Variants in PIK3C2A observed in about 807,000 individuals in gnomAD.
The protein encoded by PIK3C2A is phosphatidylinositol 4-phosphate 3-kinase C2 domain-containing subunit alpha.
PIK3C2A carries 97 observed loss-of-function variants against 204.5 expected under a neutral mutation model. The observed-to-expected ratio is 0.47, with a 90% CI of 0.40 to 0.56. The LOEUF is 0.56. PIK3C2A is among the 20% of genes least tolerant of loss of function. The probability of loss-of-function intolerance (pLI) is 0.00; values close to 1 mark genes in which losing one functional copy is unlikely to be tolerated. For missense variants in PIK3C2A, 1,735 were observed against 1,969.2 expected, an observed-to-expected ratio of 0.88 and a Z score of 2.25; for synonymous variants, 653 against 664.4, an observed-to-expected ratio of 0.98 and a Z score of 0.26.
At chr11:17,202,426 T>G (rs1161916488) in intron 1 of PIK3C2A, among the ~76,000 whole-genome samples, 2 of 151,710 alleles carry the variant, frequency 1.3e-5, no homozygotes, top group Non-Finnish European at 2.9e-5. Flanking sequence ...ACACAAAAAT[T>G]AGCCAGGCGT....
At chr11:17,191,671 A>G (rs750448799) in intron 1 of PIK3C2A, among the ~76,000 whole-genome samples, 1 of 152,176 alleles carries the variant, frequency 6.6e-6, no homozygotes, top group Non-Finnish European at 1.5e-5. Context: ...GCATCTTTTT[A>G]GCAAGTTATC....
intron 1 of PIK3C2A, among the ~76,000 whole-genome samples, chr11:17,181,363 A>G (rs1851545756): frequency 6.6e-6 from 1 of 151,034 alleles, no homozygotes; most frequent in Non-Finnish European, 1.5e-5. Context: ...TTTTTATTAT[A>G]ACACAGTTCA....
chr11:17,184,334 CCT>C (rs1414151092), intron 1 of PIK3C2A, among the ~76,000 whole-genome samples: 1 of 151,698 alleles, frequency 6.6e-6, no homozygotes, highest in Non-Finnish European at 1.5e-5. Context: ...TATTATGGCC[CCT>C]GAGGACTTCC....
chr11:17,114,498 A>C (rs1849115173), intron 19 of PIK3C2A, 33 bp from the exon 20 acceptor site: 2 of 929,596 alleles, frequency 2.2e-6, no homozygotes, highest in Non-Finnish European at 3.5e-6. Context: ...GTAAGTACAT[A>C]ATGAAAATGA....
At chr11:17,110,129 T>G (rs533466163) in intron 22 of PIK3C2A, among the ~76,000 whole-genome samples, 5 of 152,156 alleles carry the variant, frequency 3.3e-5, no homozygotes, top group Admixed American at 1.3e-4. Flanking sequence ...ATTTTTGCAT[T>G]TTTAGTAGAA....
chr11:17,193,155 C>T (rs571133658), intron 1 of PIK3C2A, among the ~76,000 whole-genome samples: 1 of 152,366 alleles, frequency 6.6e-6, no homozygotes, highest in East Asian at 1.9e-4. Flanking sequence ...TTAGTACTAC[C>T]ATGCCCTTGG....
chr11:17,108,171 C>T (rs547001028), intron 22 of PIK3C2A, among the ~76,000 whole-genome samples: 2 of 152,302 alleles, frequency 1.3e-5, no homozygotes, highest in East Asian at 3.9e-4. Context: ...TGCGCCCAGC[C>T]TCTGCTATGT....
At chr11:17,147,748 T>C in intron 5 of PIK3C2A, 120 bp from the exon 6 acceptor site, 1 of 604,276 alleles carries the variant, frequency 1.7e-6, no homozygotes, top group Admixed American at 2.9e-5. Flanking sequence ...GAGACAGTTT[T>C]AAAATCAAGT....
At chr11:17,092,565 G>T (rs566548262) in intron 28 of PIK3C2A, among the ~76,000 whole-genome samples, 2 of 152,062 alleles carry the variant, frequency 1.3e-5, no homozygotes, top group African/African-American at 2.4e-5. Flanking sequence ...CCAGCTACTC[G>T]GAAGGCTGAG....
At chr11:17,102,871 T>C (rs759916922) in intron 23 of PIK3C2A, 40 bp from the exon 24 acceptor site, 140 of 1,346,548 alleles carry the variant, frequency 1.0e-4, no homozygotes, top group Middle Eastern at 5.5e-4. Context: ...AAATGAATTA[T>C]TTTTAAAAGA....
chr11:17,138,583 T>C (rs1219615797), intron 8 of PIK3C2A, among the ~76,000 whole-genome samples: 1 of 152,150 alleles, frequency 6.6e-6, no homozygotes, highest in Non-Finnish European at 1.5e-5. Context: ...AGCCTAGAGG[T>C]GACAGCTGCT....
At chr11:17,179,618 T>A (rs1490776093) in intron 1 of PIK3C2A, among the ~76,000 whole-genome samples, 1 of 152,152 alleles carries the variant, frequency 6.6e-6, no homozygotes, top group Admixed American at 6.5e-5. Context: ...ACAAAAAGAT[T>A]AAATTTTTAA....
chr11:17,136,429 T>C, intron 9 of PIK3C2A, 53 bp downstream of exon 9: 1 of 1,376,062 alleles, frequency 7.3e-7, no homozygotes, highest in South Asian at 1.2e-5. Flanking sequence ...AAAAATCTCC[T>C]GTTTAAGTAC....
chr11:17,175,269 T>C (rs971748434), intron 1 of PIK3C2A, among the ~76,000 whole-genome samples: 1 of 152,188 alleles, frequency 6.6e-6, no homozygotes, highest in Non-Finnish European at 1.5e-5. Flanking sequence ...ACACCCAAAG[T>C]AGTATATGCT....
chr11:17,131,579 G>A (rs1006506357), intron 12 of PIK3C2A, among the ~76,000 whole-genome samples: 13 of 151,694 alleles, frequency 8.6e-5, no homozygotes, highest in Non-Finnish European at 5.9e-5. Context: ...CCGCCACCAC[G>A]CCCGGCTAAT....
intron 1 of PIK3C2A, among the ~76,000 whole-genome samples, chr11:17,170,626 T>C (rs1270181208): frequency 6.6e-6 from 1 of 152,226 alleles, no homozygotes; most frequent in Admixed American, 6.5e-5. Context: ...GTTTAGCTTA[T>C]AAAAATTTAT....
intron 4 of PIK3C2A, among the ~76,000 whole-genome samples, chr11:17,149,101 T>C (rs997713507): frequency 4.6e-5 from 7 of 152,318 alleles, no homozygotes; most frequent in Admixed American, 3.3e-4. Context: ...GTACTGAATA[T>C]GTACACACTT....
intron 1 of PIK3C2A, among the ~76,000 whole-genome samples, chr11:17,205,329 C>T (rs1232824285): frequency 2.0e-5 from 3 of 151,200 alleles, no homozygotes; most frequent in African/African-American, 7.3e-5. Context: ...CAAAAATTAG[C>T]TGGGCATAGC....
chr11:17,203,781 T>G (rs1852465595), intron 1 of PIK3C2A, among the ~76,000 whole-genome samples: 1 of 151,946 alleles, frequency 6.6e-6, no homozygotes, highest in Admixed American at 6.6e-5. Context: ...GCTCAAGAGA[T>G]CCTCCTGCTG....
Sources: allele counts gnomAD v4.1 joint callset (sites outside exome capture counted in the v4.1 genomes callset), GRCh38; gene constraint gnomAD v4.1.1; transcripts MANE v1.5; gene names NCBI Gene and HGNC (gene_info 2026-07-23, HGNC 2026-07-21).